The following RERG variants were observed in gnomAD, a reference collection of about 807,000 sequenced individuals.
RERG encodes ras-related and estrogen-regulated growth inhibitor.
A neutral mutation model predicts 23.2 loss-of-function variants in RERG; 25 were observed. The ratio of observed to expected loss-of-function variants is 1.08; its 90% CI spans 0.79 to 1.50. The LOEUF (loss-of-function observed/expected upper bound fraction) is 1.50. Among genes scored for constraint, RERG ranks in the 40% most tolerant of loss-of-function variants. RERG has a pLI of 0.00. For synonymous variants in RERG, 81 were observed against 89.1 expected (o/e 0.91, Z 0.51); for missense variants, 253 against 250.1 (o/e 1.01, Z -0.08).
intron 2 of RERG, among the ~76,000 whole-genome samples, chr12:15,142,416 G>T (rs1169413192): frequency 6.6e-6 from 1 of 152,016 alleles, no homozygotes; most frequent in African/African-American, 2.4e-5. Context: ...GTAGCACACT[G>T]GAGTATTTTA....
chr12:15,133,078 A>G (rs896687648), intron 2 of RERG, among the ~76,000 whole-genome samples: 5 of 133,124 alleles, frequency 3.8e-5, no homozygotes, highest in African/African-American at 1.4e-4. Context: ...ATCTACATTG[A>G]TACATTATTA....
chr12:15,163,013 C>T (rs145402735), intron 2 of RERG, among the ~76,000 whole-genome samples: 18 of 152,244 alleles, frequency 1.2e-4, no homozygotes, highest in Non-Finnish European at 2.4e-4. Context: ...ATGAACTTTG[C>T]TGAAGCAATA....
At chr12:15,205,467 T>C (rs566163621) in intron 2 of RERG, among the ~76,000 whole-genome samples, 2 of 152,146 alleles carry the variant, frequency 1.3e-5, no homozygotes, top group South Asian at 4.2e-4. Context: ...ACGAAATATT[T>C]GAATGGAAAA....
chr12:15,174,006 T>C (rs985576316), intron 2 of RERG, among the ~76,000 whole-genome samples: 8 of 152,062 alleles, frequency 5.3e-5, no homozygotes, highest in Admixed American at 3.9e-4. Flanking sequence ...TTACTAATGC[T>C]CTTTATTTAT....
At chr12:15,160,667 T>C (rs4763421) in intron 2 of RERG, among the ~76,000 whole-genome samples, 114,557 of 152,092 alleles carry the variant, frequency 0.75, 43,197 homozygotes, top group East Asian at 0.8. Flanking sequence ...ATTATGATCA[T>C]GCTTTGTCCA....
At chr12:15,160,019 G>A (rs1434701912) in intron 2 of RERG, among the ~76,000 whole-genome samples, 1 of 152,064 alleles carries the variant, frequency 6.6e-6, no homozygotes, top group Non-Finnish European at 1.5e-5. Flanking sequence ...GGAAAATAGA[G>A]GGAAAAATGA....
chr12:15,124,685 C>T (rs902774849), intron 2 of RERG, among the ~76,000 whole-genome samples: 2 of 151,970 alleles, frequency 1.3e-5, no homozygotes, highest in African/African-American at 4.8e-5. Flanking sequence ...CGCTCCAAAA[C>T]TTTGTAGCAT....
chr12:15,152,520 T>C (rs1241790335), intron 2 of RERG, among the ~76,000 whole-genome samples: 2 of 152,186 alleles, frequency 1.3e-5, no homozygotes, highest in Non-Finnish European at 2.9e-5. Flanking sequence ...AGCTTCATTT[T>C]GTCCTGCCTG....
intron 2 of RERG, among the ~76,000 whole-genome samples, chr12:15,125,119 C>A (rs548466592): frequency 4.6e-5 from 7 of 151,890 alleles, no homozygotes; most frequent in African/African-American, 1.4e-4. Context: ...TGTATAATCA[C>A]GTAACTTTAA....
chr12:15,115,376 G>A (rs1863701260), intron 3 of RERG, among the ~76,000 whole-genome samples: 1 of 152,076 alleles, frequency 6.6e-6, no homozygotes, highest in African/African-American at 2.4e-5. Context: ...TTTGAGTCAG[G>A]GAAGACCAGC....
intron 2 of RERG, among the ~76,000 whole-genome samples, chr12:15,173,629 T>G (rs1040677158): frequency 6.6e-6 from 1 of 152,056 alleles, no homozygotes; most frequent in East Asian, 1.9e-4. Context: ...GGCTTTTCCC[T>G]TATTTCAGTC....
chr12:15,122,276 C>T (rs1441602108), intron 2 of RERG, among the ~76,000 whole-genome samples: 1 of 152,006 alleles, frequency 6.6e-6, no homozygotes, highest in East Asian at 1.9e-4. Context: ...CTGAAATGCC[C>T]TGAATGTAGC....
chr12:15,110,521 C>T lies in RERG; in HGVS notation c.192+823G>A, dbSNP rs181020412. Among the ~76,000 whole-genome samples the T allele has an allele frequency of 3.6e-3, 471 of 129,642 alleles. 5 individuals are homozygous for T. Among genetic ancestry groups the T allele is most frequent in the African/African-American group, 0.012 (426 of 34,204 alleles). The allele number at this position is 129,642 out of a possible 152,430, so 85.1% of individuals were successfully genotyped here. ...TGAGACGGAGTCTCACTCTGTCGCC[C>T]AGGCTGGAGTGCAGTGGCGCGATCT... On this transcript the variant is annotated intron_variant, in intron 4 of 4. Transcript: ENST00000256953.
At chr12:15,132,968 G>GCC (rs1451733942) in intron 2 of RERG, among the ~76,000 whole-genome samples, 2 of 146,172 alleles carry the variant, frequency 1.4e-5, no homozygotes, top group African/African-American at 5.1e-5. Context: ...TATACTCCCT[G>GCC]CCCTCCCTGC....
intron 2 of RERG, among the ~76,000 whole-genome samples, chr12:15,186,058 A>G (rs1565531665): frequency 6.6e-6 from 1 of 151,244 alleles, no homozygotes; most frequent in Non-Finnish European, 1.5e-5. Context: ...GAACTGAGAA[A>G]GCCTGGAAAA....
chr12:15,215,121 C>A (rs1865422267), intron 2 of RERG, among the ~76,000 whole-genome samples: 1 of 152,112 alleles, frequency 6.6e-6, no homozygotes, highest in Non-Finnish European at 1.5e-5. Context: ...GTATTCAAGG[C>A]AAATAGAGAA....
intron 2 of RERG, among the ~76,000 whole-genome samples, chr12:15,161,190 G>GAAAGAAAGAAAGAAAGAAAGA (rs1864605491): frequency 2.1e-5 from 3 of 145,442 alleles, no homozygotes; most frequent in Non-Finnish European, 3.0e-5. Context: ...AAGAAAGAAA[G>GAAAGAAAGAAAGAAAGAAAGA]AAAGAAAGAA....
rs552231454 is a variant in RERG at position 15,121,584 on chromosome 12, T to C, written c.62-465A>G. On this transcript the variant is annotated intron_variant, in intron 2 of 4. Transcript: ENST00000256953. ...CATTTGCATTTTAAAAAAGTAGATATTCAAAATTAAGGATTTTTATTAGAG... is the reference window on the plus strand; with the variant it reads ...CATTTGCATTTTAAAAAAGTAGATACTCAAAATTAAGGATTTTTATTAGAG... Among the ~76,000 whole-genome samples, 4 of 152,338 alleles carry C rather than the reference T, an allele frequency of 2.6e-5. No homozygotes were observed. The South Asian group carries it at 6.2e-4, about 24-fold the overall frequency.
intron 2 of RERG, among the ~76,000 whole-genome samples, chr12:15,124,614 C>T (rs1863902545): frequency 6.6e-6 from 1 of 151,996 alleles, no homozygotes; most frequent in Non-Finnish European, 1.5e-5. Context: ...ACCTCCTACA[C>T]AGTTGTGATT....
Sources: gnomAD v4.1 joint callset for allele counts (sites outside exome capture counted in the v4.1 genomes callset) on GRCh38, gnomAD v4.1.1 for gene constraint, MANE v1.5 for transcripts, NCBI Gene and HGNC (gene_info 2026-07-23, HGNC 2026-07-21) for gene names.